Variants in RORA observed in about 807,000 individuals in gnomAD.
RORA encodes the protein RAR related orphan receptor A.
RORA carries 7 observed loss-of-function variants against 69.5 expected under a neutral mutation model. That is an observed-to-expected ratio of 0.10 (90% confidence interval 0.06 to 0.19). RORA has a LOEUF of 0.19. Among genes scored for constraint, RORA ranks in the 10% least tolerant of loss-of-function variants. The pLI is 1.00. For synonymous variants in RORA, 261 were observed against 240.8 expected (o/e 1.08, Z -0.78); for missense variants, 457 against 663.0 (o/e 0.69, Z 3.41).
intron 1 of RORA, among the ~76,000 whole-genome samples, chr15:60,842,021 C>A (rs565746624): frequency 6.6e-6 from 1 of 152,078 alleles, no homozygotes; most frequent in East Asian, 1.9e-4. Flanking sequence ...ACTGCCATCA[C>A]GGATGCCTTC....
At chr15:60,535,210 T>C (rs1324650352) in intron 2 of RORA, among the ~76,000 whole-genome samples, 1 of 152,206 alleles carries the variant, frequency 6.6e-6, no homozygotes, top group Admixed American at 6.5e-5. Flanking sequence ...TTCACAAGTA[T>C]ATTGATTAAA....
At chr15:60,769,612 C>T (rs1016673674) in intron 1 of RORA, among the ~76,000 whole-genome samples, 1 of 152,170 alleles carries the variant, frequency 6.6e-6, no homozygotes, top group African/African-American at 2.4e-5. Context: ...TCTTTCTGGT[C>T]TCATTGGCAG....
chr15:60,862,789 C>G (rs560295313), intron 1 of RORA, among the ~76,000 whole-genome samples: 1 of 152,128 alleles, frequency 6.6e-6, no homozygotes, highest in South Asian at 2.1e-4. Context: ...GAGGTCGGAG[C>G]CTTAATTAGA....
rs944245858 is a variant in RORA at position 60,491,895 on chromosome 15, A to G, written c.*5560T>C. ...AGACCTGTATCATAGACTCTTACCA[A>G]TAGATCAAGATTTACTGTTGCAATT... On this transcript the variant is annotated 3_prime_UTR_variant, in exon 11 of 11. Coordinates refer to ENST00000335670, the MANE Select transcript of RORA (RefSeq NM_134261.3). 1 of 152,168 alleles carries G rather than the reference A, an allele frequency of 6.6e-6. No individual in the cohort carries two copies. Among genetic ancestry groups the G allele is most frequent in the Non-Finnish European group, 1.5e-5 (1 of 68,016 alleles). The allele number at this position is 152,168 out of a possible 1,614,324, so 9.4% of individuals were successfully genotyped here.
chr15:61,037,565 G>A (rs755520712), intron 1 of RORA, among the ~76,000 whole-genome samples: 2 of 152,142 alleles, frequency 1.3e-5, no homozygotes, highest in African/African-American at 4.8e-5. Context: ...CTCACTTCAT[G>A]GGAATCCCAT....
intron 2 of RORA, among the ~76,000 whole-genome samples, chr15:60,539,513 A>G (rs1213874192): frequency 6.6e-6 from 1 of 152,204 alleles, no homozygotes; most frequent in Non-Finnish European, 1.5e-5. Flanking sequence ...GAATTCTCCT[A>G]TCACATAGTA....
chr15:60,869,694 C>A (rs2073531460), intron 1 of RORA, among the ~76,000 whole-genome samples: 1 of 152,218 alleles, frequency 6.6e-6, no homozygotes. Context: ...AAGTCCCAGA[C>A]TTCTAGGATC....
chr15:61,108,513 C>G (rs1395403815), intron 1 of RORA, among the ~76,000 whole-genome samples: 1 of 152,224 alleles, frequency 6.6e-6, no homozygotes, highest in Non-Finnish European at 1.5e-5. Flanking sequence ...TGGCTGCTTT[C>G]TTCTTACAGC....
intron 2 of RORA, among the ~76,000 whole-genome samples, chr15:60,670,201 C>CTTTTTTTTTT (rs60799050): frequency 1.6e-5 from 2 of 126,108 alleles, no homozygotes; most frequent in African/African-American, 6.6e-5. Context: ...TATCCTACCT[C>CTTTTTTTTTT]TTTTTTTTTT....
chr15:60,906,441 G>A (rs1891544440), intron 1 of RORA, among the ~76,000 whole-genome samples: 1 of 152,184 alleles, frequency 6.6e-6, no homozygotes, highest in African/African-American at 2.4e-5. Context: ...TTTTCAAACA[G>A]GGTCTAAAGG....
At chr15:61,103,338 G>T (rs2078907426) in intron 1 of RORA, among the ~76,000 whole-genome samples, 1 of 152,180 alleles carries the variant, frequency 6.6e-6, no homozygotes, top group African/African-American at 2.4e-5. Context: ...GAGTTAACTG[G>T]ATAAATTTAG....
At chr15:61,089,291 C>CA (rs1478634490) in intron 1 of RORA, among the ~76,000 whole-genome samples, 10 of 152,156 alleles carry the variant, frequency 6.6e-5, no homozygotes, top group African/African-American at 1.4e-4. Flanking sequence ...CACCCTTCCT[C>CA]AAAGCCTGCC....
At chr15:60,799,578 C>A (rs1474920845) in intron 1 of RORA, among the ~76,000 whole-genome samples, 1 of 151,944 alleles carries the variant, frequency 6.6e-6, no homozygotes, top group Non-Finnish European at 1.5e-5. Context: ...CTGCATTGGT[C>A]CAAAAACATT....
intron 1 of RORA, among the ~76,000 whole-genome samples, chr15:61,099,196 G>A (rs1338779061): frequency 6.6e-6 from 1 of 152,196 alleles, no homozygotes; most frequent in Non-Finnish European, 1.5e-5. Context: ...TTACCCCAGT[G>A]ACTGTTCATA....
chr15:61,138,554 T>G (rs531664654), intron 1 of RORA, among the ~76,000 whole-genome samples: 3 of 152,250 alleles, frequency 2.0e-5, no homozygotes, highest in African/African-American at 7.2e-5. Context: ...GTGTGAGTCT[T>G]TATATGGCAA....
intron 1 of RORA, among the ~76,000 whole-genome samples, chr15:61,117,882 G>A (rs2079064763): frequency 6.6e-6 from 1 of 152,164 alleles, no homozygotes; most frequent in African/African-American, 2.4e-5. Flanking sequence ...TACATAAACA[G>A]CCAGAAAAAC....
intron 1 of RORA, among the ~76,000 whole-genome samples, chr15:61,219,000 T>C (rs949604609): frequency 6.6e-6 from 1 of 152,212 alleles, no homozygotes; most frequent in Admixed American, 6.5e-5. Flanking sequence ...AAGCATGAGA[T>C]GCTCAACTCT....
intron 1 of RORA, among the ~76,000 whole-genome samples, chr15:61,047,094 C>A (rs1897067625): frequency 6.6e-6 from 1 of 152,224 alleles, no homozygotes; most frequent in Non-Finnish European, 1.5e-5. Flanking sequence ...TATAAGGATT[C>A]TCTCTTTTTA....
intron 1 of RORA, among the ~76,000 whole-genome samples, chr15:60,872,664 C>T (rs1216473341): frequency 6.6e-6 from 1 of 152,168 alleles, no homozygotes; most frequent in African/African-American, 2.4e-5. Flanking sequence ...ATGCTAGCAC[C>T]ACCACTTGTT....
Sources: allele counts gnomAD v4.1 joint callset (sites outside exome capture counted in the v4.1 genomes callset), GRCh38; gene constraint gnomAD v4.1.1; transcripts MANE v1.5; gene names NCBI Gene and HGNC (gene_info 2026-07-23, HGNC 2026-07-21).